The following SYNE1 variants were observed in gnomAD, a reference collection of about 807,000 sequenced individuals.
SYNE1 encodes spectrin repeat containing nuclear envelope protein 1.
Under a neutral mutation model 1,111.0 loss-of-function variants are expected in SYNE1, and 616 were observed. The ratio of observed to expected loss-of-function variants is 0.55; its 90% CI spans 0.52 to 0.59. SYNE1 has a LOEUF of 0.59. Ranked by LOEUF, SYNE1 falls within the 20% of genes least tolerant of loss-of-function variation. The pLI is 0.00. For missense variants in SYNE1, 10,006 were observed against 10,417.0 expected (o/e 0.96, Z 1.72); for synonymous variants, 3,855 against 3,825.8 (o/e 1.01, Z -0.28).
chr6:152,303,661 C>T (rs1171606383), intron 91 of SYNE1, among the ~76,000 whole-genome samples: 1 of 152,066 alleles, frequency 6.6e-6, no homozygotes, highest in East Asian at 1.9e-4. Context: ...GCACATCTTC[C>T]CAAATACTTT....
chr6:152,604,998 AAGAAAGAAAGAGAGAGAG>A (rs1162882824), intron 3 of SYNE1, among the ~76,000 whole-genome samples: 3 of 26,940 alleles, frequency 1.1e-4, no homozygotes, highest in African/African-American at 4.8e-4. Flanking sequence ...GAAAGAAAGA[AAGAAAGAAAGAGAGAGAG>A]AGAGAGAGAG....
chr6:152,258,749 C>CT lies in SYNE1; in HGVS notation c.18973-1985dup, dbSNP rs66714244. 4.0e-3 allele frequency among the ~76,000 whole-genome samples: 574 copies of CT among 144,344 alleles called. 2 individuals are homozygous for CT. The highest frequency in any genetic ancestry group is 0.011 in the East Asian group (54 of 4,968). The allele number at this position is 144,344 out of a possible 152,430, so 94.7% of individuals were successfully genotyped here. On this transcript the variant is annotated intron_variant, in intron 101 of 145. Transcript: ENST00000367255. ...GTCTCCTTTTTCTTTTTTTCTTCTT[C>CT]TTTTTTTTTTTTTGAGATGGAGTCT... is the stretch of plus-strand genomic sequence containing the variant.
intron 5 of SYNE1, among the ~76,000 whole-genome samples, chr6:152,523,391 C>T (rs1193238562): frequency 1.3e-5 from 2 of 152,108 alleles, no homozygotes; most frequent in East Asian, 3.8e-4. Flanking sequence ...TCTGAGTTCT[C>T]TATTCTGTTC....
intron 87 of SYNE1, among the ~76,000 whole-genome samples, chr6:152,314,185 C>T (rs2095639514): frequency 6.6e-6 from 1 of 152,208 alleles, no homozygotes; most frequent in Non-Finnish European, 1.5e-5. Flanking sequence ...CAAGTCTGAA[C>T]TTGTCCTTTG....
chr6:152,122,580 G>A lies in SYNE1; in HGVS notation c.26250C>T (p.Pro8750=). ...TGAGGAGGAGCAGGAGAAGCTGAAG[G>A]GGAAGAGCTGCTCGGAGGACTCTGA... The part of the protein sequence containing the change: ...FLFRVLRAAL[P]LQLLLLLLIG... Residue 8750 remains proline (P), a synonymous_variant, in exon 146 of 146, where the codon CCC becomes CCT. Coordinates refer to ENST00000367255, the MANE Select transcript of SYNE1 (RefSeq NM_182961.4). 2 of 1,614,208 alleles carry A rather than the reference G, an allele frequency of 1.2e-6. No homozygotes were observed. The highest frequency in any genetic ancestry group is 1.7e-6 in the Non-Finnish European group (2 of 1,180,040).
intron 3 of SYNE1, among the ~76,000 whole-genome samples, chr6:152,621,327 A>G (rs745917067): frequency 2.6e-5 from 4 of 152,214 alleles, no homozygotes; most frequent in African/African-American, 7.2e-5. Flanking sequence ...ATGTTACATC[A>G]TAAGAGTAAC....
Position 152,367,579 on chromosome 6 carries a change from C to CA in SYNE1, c.9808-198dup, listed in dbSNP as rs144983233. ...ACTATTAGAATAACTGGGTCAAAAG[C>CA]AAAAAAAAAAGTTACAATTTTATGC... On this transcript the variant is annotated intron_variant, in intron 61 of 145. Transcript: ENST00000367255. 0.026 allele frequency: 14,292 copies of CA among 539,768 alleles called. 1,019 individuals are homozygous for CA. The highest frequency in any genetic ancestry group is 0.21 in the African/African-American group (10,913 of 51,106). 33.4% of individuals were successfully genotyped at this position (539,768 alleles called of 1,614,324 possible). A position where few individuals can be genotyped will look rare whatever the true frequency, so the allele number is the denominator to read the frequency against.
intron 51 of SYNE1, 87 bp from the exon 52 acceptor site, chr6:152,391,655 G>C: frequency 1.4e-6 from 2 of 1,445,192 alleles, no homozygotes; most frequent in Non-Finnish European, 1.8e-6. Context: ...TGTTGATATT[G>C]GAGCAGTAAC....
At chr6:152,461,467 A>C in intron 21 of SYNE1, 130 bp downstream of exon 21, 5 of 1,141,348 alleles carry the variant, frequency 4.4e-6, no homozygotes, top group Non-Finnish European at 6.5e-6. Context: ...TACTAAATTG[A>C]GAATCCCAAT....
chr6:152,140,061 C>T lies in SYNE1; in HGVS notation c.25347G>A (p.Leu8449=), dbSNP rs1292954995. Reference sequence around the variant, plus strand: ...CCCCCAGCCAGGCCCAGATGCTGTTCAAGTCTGAGTTAAACTGCTGCCACT... The same window carrying T: ...CCCCCAGCCAGGCCCAGATGCTGTTTAAGTCTGAGTTAAACTGCTGCCACT... ...LQKWQQFNSD[L]NSIWAWLGDT... The change falls in exon 140 of 146, where the codon TTG becomes TTA. Residue 8449 remains leucine (L), a synonymous_variant. Transcript: ENST00000367255. The T allele has an allele frequency of 6.2e-7, 1 of 1,614,182 alleles. No homozygotes were observed. The highest frequency in any genetic ancestry group is 1.7e-5 in the Admixed American group (1 of 60,028).
chr6:152,631,714 G>C (rs907126128), intron 2 of SYNE1, among the ~76,000 whole-genome samples: 1 of 152,094 alleles, frequency 6.6e-6, no homozygotes, highest in African/African-American at 2.4e-5. Context: ...CTTGGTGATT[G>C]GTCACCCAGG....
chr6:152,436,126 G>A, intron 32 of SYNE1, 25 bp from the exon 33 acceptor site: 1 of 1,611,822 alleles, frequency 6.2e-7, no homozygotes, highest in South Asian at 1.1e-5. Context: ...ATGATCATTA[G>A]GTAGGCACTT....
chr6:152,153,349 C>A (rs1043749611), intron 133 of SYNE1, among the ~76,000 whole-genome samples: 1 of 152,200 alleles, frequency 6.6e-6, no homozygotes, highest in African/African-American at 2.4e-5. Flanking sequence ...CCCCAGCACA[C>A]CCATGTCCAT....
intron 16 of SYNE1, among the ~76,000 whole-genome samples, chr6:152,468,600 G>GATGT (rs1276021223): frequency 2.0e-5 from 3 of 152,100 alleles, no homozygotes; most frequent in Non-Finnish European, 4.4e-5. Flanking sequence ...ATCTGAGTTG[G>GATGT]ATGTACATTC....
chr6:152,362,227 T>C lies in SYNE1; in HGVS notation c.10242A>G (p.Glu3414=). 1 of 1,614,238 alleles carries C rather than the reference T, an allele frequency of 6.2e-7. No homozygotes were observed. The highest frequency in any genetic ancestry group is 2.2e-5 in the East Asian group (1 of 44,884). The change falls in exon 64 of 146, where the codon GAA becomes GAG. Residue 3414 remains glutamate (E), a synonymous_variant. Coordinates refer to ENST00000367255, the MANE Select transcript of SYNE1 (RefSeq NM_182961.4). The part of the protein sequence containing the change: ...WMDSMEANLN[E]SERQHAELRD... ...GCAGCTCCGCATGCTGCCTTTCTGA[T>C]TCATTCAGGTTGGCTTCCATACTAT...
chr6:152,609,229 G>A (rs11759468), intron 3 of SYNE1, among the ~76,000 whole-genome samples: 31,223 of 151,906 alleles, frequency 0.21, 3,645 homozygotes, highest in African/African-American at 0.31. Flanking sequence ...AAGGGAAGCC[G>A]TGATAGACTG....
chr6:152,300,639 A>C lies in SYNE1; in HGVS notation c.17682+2T>G. ...GCTAGAGGAATGCCAACTGGGAGGT[A>C]CCTGGTTAACAGAAGCATCTGTATT... On this transcript the variant is annotated splice_donor_variant, in intron 93 of 145. Coordinates refer to ENST00000367255, the MANE Select transcript of SYNE1 (RefSeq NM_182961.4). LOFTEE classifies it high-confidence loss of function. 1.2e-6 allele frequency: 2 copies of C among 1,614,176 alleles called. No homozygotes were observed. Among genetic ancestry groups the C allele is most frequent in the Non-Finnish European group, 1.7e-6 (2 of 1,180,038 alleles).
Position 152,334,153 on chromosome 6 carries a change from G to C in SYNE1, c.12649C>G (p.Gln4217Glu). The change falls in exon 77 of 146, where the codon CAG becomes GAG. Residue 4217 changes from glutamine (Q) to glutamate (E), a missense_variant. Physicochemically the swap from Gln to Glu is conservative, Grantham distance 29. This residue lies in a region of SYNE1 where 4,955 missense variants were observed against 5,017.2 expected (regional missense o/e 0.99). Transcript: ENST00000367255. Reference protein sequence around the residue: ...EHKEINHLNDQWLDLCRQSNN... With the variant: ...EHKEINHLNDEWLDLCRQSNN... ...GACTGACGGCACAAATCGAGCCACTGATCATTTAAATGATTTATTTCCTTG... is the reference window on the plus strand; with the variant it reads ...GACTGACGGCACAAATCGAGCCACTCATCATTTAAATGATTTATTTCCTTG... 6.2e-7 allele frequency: 1 copy of C among 1,614,120 alleles called. No homozygotes were observed. The highest frequency in any genetic ancestry group is 8.5e-7 in the Non-Finnish European group (1 of 1,180,018).
Position 152,465,471 on chromosome 6 carries a change from T to G in SYNE1, c.1730-11A>C. 2.5e-6 allele frequency: 4 copies of G among 1,610,094 alleles called. No homozygotes were observed. Among genetic ancestry groups the G allele is most frequent in the Non-Finnish European group, 3.4e-6 (4 of 1,177,910 alleles). ...TCTCAGCTTCTTCCACTGAAACAGA[T>G]AAAACCAATTATAACCCTTATCTCA... On this transcript the variant is annotated splice_polypyrimidine_tract_variant and intron_variant, in intron 17 of 145. Transcript: ENST00000367255.
Sources: allele counts gnomAD v4.1 joint callset (sites outside exome capture counted in the v4.1 genomes callset), GRCh38; gene constraint gnomAD v4.1.1; regional missense constraint gnomAD v4.1.1; transcripts MANE v1.5; gene names NCBI Gene and HGNC (gene_info 2026-07-23, HGNC 2026-07-21).